Variants in SMAD1 observed in about 807,000 individuals in gnomAD.
SMAD1 encodes the protein SMAD family member 1.
SMAD1 carries 6 observed loss-of-function variants against 41.6 expected under a neutral mutation model. That is an observed-to-expected ratio of 0.14 (90% CI 0.08 to 0.28). SMAD1 has a LOEUF of 0.28. Ranked by LOEUF, SMAD1 falls within the 10% of genes least tolerant of loss-of-function variation. SMAD1 has a pLI of 1.00. For missense variants in SMAD1, 379 were observed against 582.6 expected (o/e 0.65, Z 3.60); for synonymous variants, 206 against 203.2 (o/e 1.01, Z -0.12).
chr4:145,503,592 G>T (rs1729592369), intron 1 of SMAD1, among the ~76,000 whole-genome samples: 1 of 152,112 alleles, frequency 6.6e-6, no homozygotes, highest in Admixed American at 6.5e-5. Context: ...TTTAAAACAG[G>T]AAAAAGGAAT....
At chr4:145,527,260 G>A (rs1731065543) in intron 2 of SMAD1, among the ~76,000 whole-genome samples, 1 of 144,694 alleles carries the variant, frequency 6.9e-6, no homozygotes, top group Non-Finnish European at 1.5e-5. Flanking sequence ...GTCTTGCTCT[G>A]TCGCCCAGGC....
chr4:145,540,034 G>A lies in SMAD1; in HGVS notation c.631G>A (p.Asp211Asn). 1 of 1,614,074 alleles carries A rather than the reference G, an allele frequency of 6.2e-7. No homozygotes were observed. Among genetic ancestry groups the A allele is most frequent in the Non-Finnish European group, 8.5e-7 (1 of 1,179,980 alleles). ...CTACCCTCACTCTCCCACCAGCTCA[G>A]ACCCAGGAAGCCCTTTCCAGATGCC... is the stretch of plus-strand genomic sequence containing the variant. ...STYPHSPTSS[D>N]PGSPFQMPAD... The change falls in exon 3 of 7, where the codon GAC (aspartate) becomes AAC (asparagine). Residue 211 changes from aspartate to asparagine, a missense_variant. This residue lies in a region of SMAD1 where 208 missense variants were observed against 210.5 expected (regional missense o/e 0.99). Transcript: ENST00000302085.
intron 4 of SMAD1, among the ~76,000 whole-genome samples, chr4:145,543,575 A>G (rs954462110): frequency 6.6e-6 from 1 of 152,188 alleles, no homozygotes; most frequent in Non-Finnish European, 1.5e-5. Flanking sequence ...CAGAAATGAA[A>G]AATTTCTTTC....
intron 2 of SMAD1, among the ~76,000 whole-genome samples, chr4:145,528,939 T>A (rs990740684): frequency 6.6e-6 from 1 of 152,234 alleles, no homozygotes; most frequent in African/African-American, 2.4e-5. Context: ...TTTTATAAAG[T>A]AGAGGTAATG....
chr4:145,514,559 AT>A lies in SMAD1; in HGVS notation c.-52del, dbSNP rs1463757492. The A allele has an allele frequency of 6.1e-6, 9 of 1,466,786 alleles. No individual in the cohort carries two copies. The highest frequency in any genetic ancestry group is 8.3e-6 in the Non-Finnish European group (9 of 1,088,998). 90.9% of individuals were successfully genotyped at this position (1,466,786 alleles called of 1,614,324 possible). ...CAAATCTCTTCTGCTGTCCTTTTGC[AT>A]TTGGAGACAGCTTTATTTCACCATA... On this transcript the variant is annotated 5_prime_UTR_variant, in exon 2 of 7. Transcript: ENST00000302085. This position sits in a 1 kb window ranked among gnomAD's most constrained non-coding sequence, Gnocchi z 4.7.
chr4:145,534,730 C>A (rs1208995476), intron 2 of SMAD1, among the ~76,000 whole-genome samples: 28 of 152,172 alleles, frequency 1.8e-4, no homozygotes, highest in Non-Finnish European at 2.9e-5. Flanking sequence ...AAAATTAGAT[C>A]CATTCCTCAT....
In SMAD1 at chr4:145,518,562, C is replaced by T. The variant is rs1215847685; in HGVS notation, c.400+3549C>T. Among the ~76,000 whole-genome samples the T allele has an allele frequency of 6.4e-5, 8 of 124,964 alleles. 1 individual carries two copies. The highest frequency in any genetic ancestry group is 2.0e-4 in the East Asian group (1 of 5,022). The allele number at this position is 124,964 out of a possible 152,430, so 82.0% of individuals were successfully genotyped here. A position where few individuals can be genotyped will look rare whatever the true frequency, so the allele number is the denominator to read the frequency against. On this transcript the variant is annotated intron_variant, in intron 2 of 6. Coordinates refer to ENST00000302085, the MANE Select transcript of SMAD1 (RefSeq NM_005900.3). ...CCAGAATTGAAGCCCTCTATAAAGC[C>T]GTACAGAGTACACCTGGGTATTGTT...
rs566082931 is a variant in SMAD1 at position 145,503,482 on chromosome 4, T to C, written c.-176-10956T>C. On this transcript the variant is annotated intron_variant, in intron 1 of 6. Transcript: ENST00000302085. ...TTCATTTTTCTTTCTGTTCTAGAGGTTTTTTCCTCCCTTATTTTGCTTAGT... is the reference window on the plus strand; with the variant it reads ...TTCATTTTTCTTTCTGTTCTAGAGGCTTTTTCCTCCCTTATTTTGCTTAGT... Among the ~76,000 whole-genome samples the C allele has an allele frequency of 1.1e-3, 163 of 152,022 alleles. 1 individual carries two copies. Among genetic ancestry groups the C allele is most frequent in the Non-Finnish European group, 1.3e-3 (88 of 68,010 alleles).
chr4:145,548,537 G>A (rs760250541), intron 5 of SMAD1, among the ~76,000 whole-genome samples: 3 of 152,002 alleles, frequency 2.0e-5, no homozygotes, highest in African/African-American at 4.8e-5. Flanking sequence ...GCCTCAGTAC[G>A]GTATTGAATT....
chr4:145,548,589 C>T (rs1246016125), intron 5 of SMAD1, among the ~76,000 whole-genome samples: 1 of 152,074 alleles, frequency 6.6e-6, no homozygotes, highest in Non-Finnish European at 1.5e-5. Context: ...AGTCCATACT[C>T]ATAATAAATA....
intron 2 of SMAD1, among the ~76,000 whole-genome samples, chr4:145,538,351 A>G (rs1295150095): frequency 6.6e-6 from 1 of 152,242 alleles, no homozygotes. Context: ...GGAAGATTCC[A>G]TCACTGTACT....
chr4:145,540,183 C>CGAGAGCACTATG, intron 3 of SMAD1, 122 bp downstream of exon 3: 2 of 1,088,074 alleles, frequency 1.8e-6, no homozygotes, highest in Non-Finnish European at 2.7e-6. Context: ...TGACATAGTG[C>CGAGAGCACTATG]TCTCGCACTT....
rs1732964242 is a variant in SMAD1 at position 145,558,409 on chromosome 4, T to C, written c.*475T>C. The stretch of plus-strand genomic sequence containing the variant: ...TCATAATATTTTAAAACTATTTGTT[T>C]AGCGATGGTTTTGTTCGTTTAAGTA... On this transcript the variant is annotated 3_prime_UTR_variant, in exon 7 of 7. Coordinates refer to ENST00000302085, the MANE Select transcript of SMAD1 (RefSeq NM_005900.3). Among the ~76,000 whole-genome samples, 1 of 152,218 alleles carries C rather than the reference T, an allele frequency of 6.6e-6. No homozygotes were observed. The highest frequency in any genetic ancestry group is 1.5e-5 in the Non-Finnish European group (1 of 68,042).
intron 2 of SMAD1, among the ~76,000 whole-genome samples, chr4:145,536,810 A>G (rs956734284): frequency 3.9e-5 from 6 of 152,204 alleles, no homozygotes; most frequent in Non-Finnish European, 7.3e-5. Context: ...GAGACTGTCT[A>G]CGGTGGAAGA....
At chr4:145,508,080 ATTTT>A (rs35756866) in intron 1 of SMAD1, among the ~76,000 whole-genome samples, 5 of 138,432 alleles carry the variant, frequency 3.6e-5, no homozygotes, top group Admixed American at 7.2e-5. Context: ...CTTGGTTTAG[ATTTT>A]TTTTTTTTTT....
intron 2 of SMAD1, among the ~76,000 whole-genome samples, chr4:145,521,934 C>T (rs1270322680): frequency 1.3e-5 from 2 of 149,626 alleles, no homozygotes; most frequent in South Asian, 2.1e-4. Context: ...TAGTTCAGCT[C>T]ACACTGGTGC....
intron 1 of SMAD1, among the ~76,000 whole-genome samples, chr4:145,500,709 T>C (rs1729390537): frequency 1.3e-5 from 2 of 152,174 alleles, no homozygotes; most frequent in South Asian, 4.2e-4. Context: ...ATAACTGTAG[T>C]GGTTACTAGT....
Position 145,558,839 on chromosome 4 carries a change from G to T in SMAD1, c.*905G>T, listed in dbSNP as rs1397545737. ...GAATAATTCCTGCTATTCTGAAATT[G>T]CCTACATGTTTCAATACCAGTTATA... On this transcript the variant is annotated 3_prime_UTR_variant, in exon 7 of 7. Coordinates refer to ENST00000302085, the MANE Select transcript of SMAD1 (RefSeq NM_005900.3). Among the ~76,000 whole-genome samples, 1 of 151,942 alleles carries T rather than the reference G, an allele frequency of 6.6e-6. No individual in the cohort carries two copies. Among genetic ancestry groups the T allele is most frequent in the Non-Finnish European group, 1.5e-5 (1 of 68,014 alleles).
At chr4:145,534,388 A>G (rs921232130) in intron 2 of SMAD1, among the ~76,000 whole-genome samples, 2 of 152,222 alleles carry the variant, frequency 1.3e-5, no homozygotes, top group East Asian at 1.9e-4. Context: ...TGACCTCAAT[A>G]AAAGTATTAA....
Sources: allele counts gnomAD v4.1 joint callset (sites outside exome capture counted in the v4.1 genomes callset), GRCh38; gene constraint gnomAD v4.1.1; regional missense constraint gnomAD v4.1.1; non-coding constraint Gnocchi (gnomAD v3.1); transcripts MANE v1.5; gene names NCBI Gene and HGNC (gene_info 2026-07-23, HGNC 2026-07-21).